PIK3C2G: variants seen among roughly 807,000 people sequenced by gnomAD.
PIK3C2G encodes the protein phosphatidylinositol-4-phosphate 3-kinase catalytic subunit type 2 gamma.
PIK3C2G carries 168 observed loss-of-function variants against 181.1 expected under a neutral mutation model. The observed-to-expected ratio is 0.93, with a 90% CI of 0.82 to 1.05. The LOEUF (loss-of-function observed/expected upper bound fraction) is 1.05. Among genes scored for constraint, PIK3C2G ranks in the 50% least tolerant of loss-of-function variants. The probability of loss-of-function intolerance (pLI) is 0.00; values close to 1 mark genes in which losing one functional copy is unlikely to be tolerated. For synonymous variants in PIK3C2G, 573 were observed against 592.2 expected, an observed-to-expected ratio of 0.97 and a Z score of 0.47; for missense variants, 1,869 against 1,732.8, an observed-to-expected ratio of 1.08 and a Z score of -1.40.
At position 18,385,242 on chromosome 12, in the gene PIK3C2G, T is replaced by G. The variant is rs375765118; in HGVS notation, c.1995+3362T>G. On this transcript the variant is annotated intron_variant, in intron 14 of 32. Transcript: ENST00000538779. Reference sequence around the variant, plus strand: ...TTTTCCGATTGTCCTCATTAGATGGTGGTTACTGCCACACTGCAGCCACTC... The same window carrying G: ...TTTTCCGATTGTCCTCATTAGATGGGGGTTACTGCCACACTGCAGCCACTC... Among the ~76,000 whole-genome samples the G allele has an allele frequency of 5.3e-5, 8 of 152,250 alleles. No homozygotes were observed. In the East Asian group the frequency reaches 1.4e-3, roughly 26 times the overall value.
chr12:18,382,856 A>G (rs531012955), intron 14 of PIK3C2G, among the ~76,000 whole-genome samples: 1 of 152,306 alleles, frequency 6.6e-6, no homozygotes, highest in South Asian at 2.1e-4. Context: ...GGTTTGGGAC[A>G]TAGAGTTGAG....
At chr12:18,298,997 T>C (rs2137269154) in intron 5 of PIK3C2G, among the ~76,000 whole-genome samples, 1 of 152,174 alleles carries the variant, frequency 6.6e-6, no homozygotes, top group South Asian at 2.1e-4. Flanking sequence ...CCTGCAGCTC[T>C]GTTCTTTTTG....
At chr12:18,296,877 G>C (rs1949963092) in intron 5 of PIK3C2G, among the ~76,000 whole-genome samples, 2 of 152,028 alleles carry the variant, frequency 1.3e-5, no homozygotes, top group South Asian at 4.1e-4. Context: ...ATGCAAAATT[G>C]TCAGCAATAT....
At chr12:18,593,917 C>G (rs1050669969) in intron 29 of PIK3C2G, among the ~76,000 whole-genome samples, 4 of 151,486 alleles carry the variant, frequency 2.6e-5, no homozygotes, top group Non-Finnish European at 5.9e-5. Flanking sequence ...CTGATTCTCT[C>G]TCTTTAGAAA....
chr12:18,676,448 A>G, the PIK3C2G span, among the ~76,000 whole-genome samples: 21 of 152,224 alleles, frequency 1.4e-4, 1 homozygote, highest in East Asian at 4.1e-3. Flanking sequence ...TTCTTCAGTG[A>G]AAATGCCTGC....
intron 18 of PIK3C2G, among the ~76,000 whole-genome samples, chr12:18,480,099 G>T (rs921181211): frequency 6.6e-6 from 1 of 152,116 alleles, no homozygotes; most frequent in Non-Finnish European, 1.5e-5. Context: ...TGGGGATCAG[G>T]AAAGGAGAAA....
chr12:18,658,449 G>C, the PIK3C2G span, among the ~76,000 whole-genome samples: 1 of 152,094 alleles, frequency 6.6e-6, no homozygotes, highest in Non-Finnish European at 1.5e-5. Flanking sequence ...AGAGAAGCAA[G>C]TCATTATGCA....
At chr12:18,299,448 C>G (rs1029651618) in intron 5 of PIK3C2G, among the ~76,000 whole-genome samples, 3 of 151,800 alleles carry the variant, frequency 2.0e-5, no homozygotes, top group Non-Finnish European at 4.4e-5. Flanking sequence ...TTGGTGGAAT[C>G]TTCAGGTTTT....
At chr12:18,389,352 CA>C (rs534886442) in intron 14 of PIK3C2G, among the ~76,000 whole-genome samples, 199 of 116,626 alleles carry the variant, frequency 1.7e-3, no homozygotes, top group Middle Eastern at 4.9e-3. Context: ...GACTCCATCT[CA>C]AAAAAAAAAA....
At chr12:18,537,461 C>A (rs1037733559) in intron 24 of PIK3C2G, among the ~76,000 whole-genome samples, 4 of 151,140 alleles carry the variant, frequency 2.6e-5, no homozygotes, top group African/African-American at 9.8e-5. Flanking sequence ...TCTTAAATGA[C>A]ATGATAAAAA....
At chr12:18,678,621 C>T in the PIK3C2G span, among the ~76,000 whole-genome samples, 1 of 151,870 alleles carries the variant, frequency 6.6e-6, no homozygotes, top group African/African-American at 2.4e-5. Context: ...CTACCTTTTG[C>T]CTACATTCTT....
rs188438110 is a variant in PIK3C2G at position 18,586,167 on chromosome 12, A to C, written c.4012-8327A>C. 5.6e-4 allele frequency among the ~76,000 whole-genome samples: 86 copies of C among 152,296 alleles called. No homozygotes were observed. The East Asian group carries it at 0.013, about 23-fold the overall frequency. ...GGGTATCAAGAGCAAACCAACCCCAAAGCTAGCAGAAGAGTAACCAGATAA... is the reference window on the plus strand; with the variant it reads ...GGGTATCAAGAGCAAACCAACCCCACAGCTAGCAGAAGAGTAACCAGATAA... On this transcript the variant is annotated intron_variant, in intron 29 of 32. Transcript: ENST00000538779.
intron 30 of PIK3C2G, among the ~76,000 whole-genome samples, chr12:18,595,137 T>C (rs959244061): frequency 1.3e-5 from 2 of 152,096 alleles, no homozygotes; most frequent in African/African-American, 4.8e-5. Context: ...CCTAGCACAA[T>C]ATGCAAACTA....
intron 18 of PIK3C2G, among the ~76,000 whole-genome samples, chr12:18,485,069 T>C (rs546005900): frequency 6.6e-6 from 1 of 152,268 alleles, no homozygotes; most frequent in East Asian, 1.9e-4. Flanking sequence ...TTTCCTCTCT[T>C]GACCCACAGA....
intron 14 of PIK3C2G, among the ~76,000 whole-genome samples, chr12:18,383,982 T>G (rs536781918): frequency 4.2e-4 from 57 of 136,642 alleles, no homozygotes; most frequent in Non-Finnish European, 7.3e-4. Flanking sequence ...TTTATTATTA[T>G]TATTATTTTT....
chr12:18,477,440 G>T (rs1405479148), intron 18 of PIK3C2G, among the ~76,000 whole-genome samples: 1 of 152,084 alleles, frequency 6.6e-6, no homozygotes, highest in Non-Finnish European at 1.5e-5. Flanking sequence ...GGTACAACCT[G>T]AACAACAATA....
chr12:18,407,890 G>C (rs1944630755), intron 16 of PIK3C2G, among the ~76,000 whole-genome samples: 1 of 152,108 alleles, frequency 6.6e-6, no homozygotes, highest in Non-Finnish European at 1.5e-5. Context: ...GTCCAGGGGA[G>C]GAGTACATGA....
chr12:18,478,634 G>A (rs78081398), intron 18 of PIK3C2G, among the ~76,000 whole-genome samples: 279 of 152,206 alleles, frequency 1.8e-3, no homozygotes, highest in African/African-American at 6.4e-3. Context: ...TATTTTAGTG[G>A]GCTGTGTAAG....
At chr12:18,317,947 C>A (rs1020999193) in intron 6 of PIK3C2G, among the ~76,000 whole-genome samples, 1 of 152,192 alleles carries the variant, frequency 6.6e-6, no homozygotes, top group Non-Finnish European at 1.5e-5. Context: ...GTATGACTAC[C>A]TAAGCAGTAG....
Sources: allele counts gnomAD v4.1 joint callset (sites outside exome capture counted in the v4.1 genomes callset), GRCh38; gene constraint gnomAD v4.1.1; transcripts MANE v1.5; gene names NCBI Gene and HGNC (gene_info 2026-07-23, HGNC 2026-07-21).